Variants in CCSER1 observed in about 807,000 individuals in gnomAD.
CCSER1 encodes the protein coiled-coil serine rich protein 1, also known as serine-rich coiled-coil domain-containing protein 1.
CCSER1 carries 41 observed loss-of-function variants against 82.0 expected under a neutral mutation model. That is an observed-to-expected ratio of 0.50 (90% CI 0.39 to 0.65). The LOEUF is 0.65. Among genes scored for constraint, CCSER1 ranks in the 30% least tolerant of loss-of-function variants. CCSER1 has a pLI of 0.00. For missense variants in CCSER1, 1,119 were observed against 1,064.2 expected, an observed-to-expected ratio of 1.05 and a Z score of -0.72; for synonymous variants, 414 against 383.9, an observed-to-expected ratio of 1.08 and a Z score of -0.92.
intron 4 of CCSER1, among the ~76,000 whole-genome samples, chr4:90,425,283 G>A (rs1757370375): frequency 6.6e-6 from 1 of 152,116 alleles, no homozygotes; most frequent in African/African-American, 2.4e-5. Context: ...GCAGGTAAGA[G>A]CACAGCAGTT....
Position 90,339,611 on chromosome 4 carries a change from G to A in CCSER1, c.1509+26564G>A, listed in dbSNP as rs1741026670. On this transcript the variant is annotated intron_variant, in intron 3 of 10. Transcript: ENST00000509176. Reference sequence around the variant, plus strand: ...AGCAATTACCCACCCCAGTGTCTTTGCACTTGTAATTCTTGCTGCTTGGAA... The same window carrying A: ...AGCAATTACCCACCCCAGTGTCTTTACACTTGTAATTCTTGCTGCTTGGAA... Among the ~76,000 whole-genome samples the A allele has an allele frequency of 2.6e-5, 4 of 151,996 alleles. No homozygotes were observed. In the Middle Eastern group the frequency reaches 0.014, roughly 517 times the overall value.
chr4:90,920,385 A>G (rs1728201356), intron 8 of CCSER1, among the ~76,000 whole-genome samples: 1 of 151,986 alleles, frequency 6.6e-6, no homozygotes, highest in South Asian at 2.1e-4. Flanking sequence ...CATAAACTTG[A>G]GTTACCACTC....
intron 3 of CCSER1, among the ~76,000 whole-genome samples, chr4:90,388,641 A>C (rs1057243509): frequency 1.6e-5 from 2 of 128,844 alleles, no homozygotes; most frequent in African/African-American, 5.8e-5. Flanking sequence ...TATTATGATA[A>C]TTTTTTTTTT....
At chr4:91,501,051 G>T (rs1265100407) in intron 10 of CCSER1, among the ~76,000 whole-genome samples, 5 of 151,574 alleles carry the variant, frequency 3.3e-5, no homozygotes, top group African/African-American at 9.7e-5. Flanking sequence ...TAGATTAGTT[G>T]TTCTATTTAT....
chr4:91,253,878 C>T (rs554424745), intron 10 of CCSER1, among the ~76,000 whole-genome samples: 48 of 152,130 alleles, frequency 3.2e-4, no homozygotes, highest in African/African-American at 1.2e-3. Flanking sequence ...GTGCTACACA[C>T]TTTAAAATAA....
intron 5 of CCSER1, among the ~76,000 whole-genome samples, chr4:90,531,135 G>A (rs1465607458): frequency 6.6e-6 from 1 of 151,740 alleles, no homozygotes; most frequent in African/African-American, 2.4e-5. Context: ...AAGAAATAAT[G>A]TAGGCTTTTT....
chr4:91,359,670 AT>A (rs1749115399), intron 10 of CCSER1, among the ~76,000 whole-genome samples: 1 of 151,902 alleles, frequency 6.6e-6, no homozygotes, highest in East Asian at 1.9e-4. Context: ...AGAGAAAAGG[AT>A]ATTGAAAAAG....
intron 10 of CCSER1, among the ~76,000 whole-genome samples, chr4:91,520,197 G>GT (rs990536084): frequency 1.7e-4 from 25 of 148,950 alleles, no homozygotes; most frequent in Admixed American, 5.4e-4. Flanking sequence ...ATGTTTTTGA[G>GT]TTTTTTTTTC....
At chr4:91,172,592 C>T (rs1171139938) in intron 10 of CCSER1, among the ~76,000 whole-genome samples, 1 of 152,150 alleles carries the variant, frequency 6.6e-6, no homozygotes, top group African/African-American at 2.4e-5. Flanking sequence ...TTGCTGAGTG[C>T]AGTATACGTG....
In CCSER1 at chr4:90,127,970, C is replaced by G. The variant is rs968094201; in HGVS notation, c.-42+139C>G. The G allele has an allele frequency of 5.9e-5, 9 of 151,684 alleles. No individual in the cohort carries two copies. In the East Asian group the frequency reaches 1.7e-3, roughly 29 times the overall value. The allele number at this position is 151,684 out of a possible 1,614,324, so 9.4% of individuals were successfully genotyped here. A position where few individuals can be genotyped will look rare whatever the true frequency, so the allele number is the denominator to read the frequency against. On this transcript the variant is annotated intron_variant, in intron 1 of 10. Transcript: ENST00000509176. ...GTCGGGGCCGCCTGCGAGCAGCGCGCGCCCAGGCCCGGCGTGCTCGGCGCA... is the reference window on the plus strand; with the variant it reads ...GTCGGGGCCGCCTGCGAGCAGCGCGGGCCCAGGCCCGGCGTGCTCGGCGCA...
intron 10 of CCSER1, among the ~76,000 whole-genome samples, chr4:91,319,470 T>A (rs1232704972): frequency 6.6e-6 from 1 of 152,048 alleles, no homozygotes; most frequent in Non-Finnish European, 1.5e-5. Context: ...GCCAGCCCTA[T>A]AGAGTTTGAC....
intron 7 of CCSER1, among the ~76,000 whole-genome samples, chr4:90,776,642 T>A (rs1189390834): frequency 6.6e-6 from 1 of 152,218 alleles, no homozygotes; most frequent in African/African-American, 2.4e-5. Flanking sequence ...TGCTTGGAAG[T>A]CAGGTACTCC....
At chr4:90,312,038 A>G (rs1735374836) in intron 2 of CCSER1, among the ~76,000 whole-genome samples, 1 of 152,240 alleles carries the variant, frequency 6.6e-6, no homozygotes, top group Non-Finnish European at 1.5e-5. Flanking sequence ...CTTAGGAAGC[A>G]GAAGTGGGAT....
intron 1 of CCSER1, among the ~76,000 whole-genome samples, chr4:90,158,395 G>GCT (rs1728737063): frequency 6.6e-6 from 1 of 152,172 alleles, no homozygotes; most frequent in South Asian, 2.1e-4. Flanking sequence ...GAGAACCACT[G>GCT]CTCTCCTCAA....
intron 3 of CCSER1, among the ~76,000 whole-genome samples, chr4:90,319,784 G>A (rs1444395539): frequency 6.6e-6 from 1 of 152,168 alleles, no homozygotes; most frequent in African/African-American, 2.4e-5. Flanking sequence ...AGTTTTTAGT[G>A]TAACTGACTG....
At chr4:90,635,137 T>C (rs1010399186) in intron 6 of CCSER1, among the ~76,000 whole-genome samples, 6 of 151,862 alleles carry the variant, frequency 4.0e-5, no homozygotes, top group Non-Finnish European at 5.9e-5. Flanking sequence ...AAAACATTTC[T>C]TTCTGTAATT....
intron 10 of CCSER1, among the ~76,000 whole-genome samples, chr4:91,263,467 A>G (rs113015066): frequency 0.018 from 2,789 of 152,118 alleles, 87 homozygotes; most frequent in African/African-American, 0.061. Flanking sequence ...TGAAAGTTAC[A>G]TTACAAAATG....
Position 91,404,904 on chromosome 4 carries a change from A to G in CCSER1, c.2218-193668A>G, listed in dbSNP as rs560166782. Among the ~76,000 whole-genome samples, 7 of 152,316 alleles carry G rather than the reference A, an allele frequency of 4.6e-5. No homozygotes were observed. The South Asian group carries it at 1.0e-3, about 23-fold the overall frequency. On this transcript the variant is annotated intron_variant, in intron 10 of 10. Coordinates refer to ENST00000509176, the MANE Select transcript of CCSER1 (RefSeq NM_001145065.2). ...GGAGTGGAGAGTTCTGTAGATGTCT[A>G]TTAGGTCCACTTGGTGCAGAGCTGA...
At chr4:91,191,005 C>T (rs1734950254) in intron 10 of CCSER1, among the ~76,000 whole-genome samples, 1 of 152,122 alleles carries the variant, frequency 6.6e-6, no homozygotes, top group Non-Finnish European at 1.5e-5. Context: ...ATGTCTGAAA[C>T]ATAATGGATG....
Sources: allele counts gnomAD v4.1 joint callset (sites outside exome capture counted in the v4.1 genomes callset), GRCh38; gene constraint gnomAD v4.1.1; transcripts MANE v1.5; gene names NCBI Gene and HGNC (gene_info 2026-07-23, HGNC 2026-07-21).